The following PCDH7 variants were observed in gnomAD, a reference collection of about 807,000 sequenced individuals.
PCDH7 encodes the protein protocadherin-7.
In PCDH7, 17 loss-of-function variants were observed where a neutral mutation model predicts 58.9. The ratio of observed to expected loss-of-function variants is 0.29; its 90% CI spans 0.20 to 0.43. PCDH7 has a LOEUF of 0.43. Among genes scored for constraint, PCDH7 ranks in the 20% least tolerant of loss-of-function variants. The probability of loss-of-function intolerance (pLI) is 1.00; values close to 1 mark genes in which losing one functional copy is unlikely to be tolerated. For missense variants in PCDH7, 1,274 were observed against 1,441.0 expected (o/e 0.88, Z 1.88); for synonymous variants, 664 against 616.4 (o/e 1.08, Z -1.14).
intron 3 of PCDH7, among the ~76,000 whole-genome samples, chr4:31,032,656 G>GAGGA (rs200871221): frequency 0.026 from 2,374 of 92,194 alleles, 45 homozygotes; most frequent in South Asian, 0.048. Flanking sequence ...GAGAGAGAGA[G>GAGGA]AGGAAGGAAG....
intron 1 of PCDH7, among the ~76,000 whole-genome samples, chr4:30,833,161 A>G (rs1560416708): frequency 6.6e-6 from 1 of 152,178 alleles, no homozygotes; most frequent in Admixed American, 6.5e-5. Context: ...TAGACATTAT[A>G]GTAGCATCCT....
At position 30,721,259 on chromosome 4, in the gene PCDH7, C is replaced by A; in HGVS notation, c.-164C>A. ...GCTGCCCTCCCACCCCCATTCCCGG[C>A]CAACTCTCCACGCCGCTTTTGCCCC... is the stretch of plus-strand genomic sequence containing the variant. On this transcript the variant is annotated 5_prime_UTR_variant, in exon 1 of 2. Transcript: ENST00000361762. The surrounding 1 kb of genome is among the most constrained non-coding windows in gnomAD (Gnocchi z 6.7). 1.6e-6 allele frequency: 1 copy of A among 621,122 alleles called. No homozygotes were observed. Among genetic ancestry groups the A allele is most frequent in the Non-Finnish European group, 2.7e-6 (1 of 373,496 alleles). 38.5% of individuals were successfully genotyped at this position (621,122 alleles called of 1,614,324 possible). A position where few individuals can be genotyped will look rare whatever the true frequency, so the allele number is the denominator to read the frequency against.
At chr4:30,935,842 C>A (rs1170836352) in intron 2 of PCDH7, among the ~76,000 whole-genome samples, 4 of 152,078 alleles carry the variant, frequency 2.6e-5, no homozygotes, top group Admixed American at 1.3e-4. Flanking sequence ...ATGTAGAAAT[C>A]AACTTTTATG....
chr4:30,722,856 C>A lies in PCDH7; in HGVS notation c.1434C>A (p.Gly478=). 2 of 1,613,798 alleles carry A rather than the reference C, an allele frequency of 1.2e-6. No homozygotes were observed. Among genetic ancestry groups the A allele is most frequent in the Non-Finnish European group, 1.7e-6 (2 of 1,180,034 alleles). Residue 478 remains glycine, a synonymous_variant, in exon 1 of 2, where the codon GGC becomes GGA. Coordinates refer to ENST00000361762, the Ensembl canonical transcript of PCDH7. The surrounding 1 kb of genome is among the most constrained non-coding windows in gnomAD (Gnocchi z 7.6). ...TCAAGCCAGCCAGCGACACCGAGGG[C>A]GACCAGAACAAGAAAAAGTACTTCT...
intron 1 of PCDH7, among the ~76,000 whole-genome samples, chr4:30,895,912 A>G (rs1210376930): frequency 6.6e-6 from 1 of 152,240 alleles, no homozygotes; most frequent in Non-Finnish European, 1.5e-5. Context: ...GAACATATCA[A>G]TAATTCAGGA....
chr4:30,774,658 T>A (rs1312413917), intron 1 of PCDH7, among the ~76,000 whole-genome samples: 2 of 152,192 alleles, frequency 1.3e-5, no homozygotes, highest in Non-Finnish European at 2.9e-5. Context: ...AGTAATTAGA[T>A]ATTTATTAAG....
At chr4:30,806,945 G>C (rs951998993) in intron 1 of PCDH7, among the ~76,000 whole-genome samples, 2 of 151,726 alleles carry the variant, frequency 1.3e-5, no homozygotes. Flanking sequence ...TTTTATTTTT[G>C]TGTATACTTT....
At chr4:30,859,759 G>A (rs1314286263) in intron 1 of PCDH7, among the ~76,000 whole-genome samples, 1 of 152,050 alleles carries the variant, frequency 6.6e-6, no homozygotes, top group Non-Finnish European at 1.5e-5. Flanking sequence ...TCTTTAGAAG[G>A]CAAAATTGTC....
intron 3 of PCDH7, among the ~76,000 whole-genome samples, chr4:30,950,412 G>A (rs1295487067): frequency 6.6e-6 from 1 of 152,116 alleles, no homozygotes; most frequent in Non-Finnish European, 1.5e-5. Context: ...TTTTCTCAAT[G>A]TATAGAGTTT....
At chr4:30,783,454 T>A (rs2109291405) in intron 1 of PCDH7, among the ~76,000 whole-genome samples, 1 of 152,350 alleles carries the variant, frequency 6.6e-6, no homozygotes, top group South Asian at 2.1e-4. Flanking sequence ...ATTTTACGTA[T>A]TGCCAATTAT....
chr4:31,119,690 C>T (rs1717417336), intron 3 of PCDH7, among the ~76,000 whole-genome samples: 1 of 152,198 alleles, frequency 6.6e-6, no homozygotes, highest in South Asian at 2.1e-4. Context: ...GTGTCCTTTA[C>T]CCCTGGATTC....
At chr4:30,775,865 G>T (rs1721992166) in intron 1 of PCDH7, among the ~76,000 whole-genome samples, 1 of 152,034 alleles carries the variant, frequency 6.6e-6, no homozygotes, top group African/African-American at 2.4e-5. Context: ...CCACTGCACT[G>T]CAGCCTGGGT....
chr4:31,100,249 T>C (rs1420948935), intron 3 of PCDH7, among the ~76,000 whole-genome samples: 1 of 152,120 alleles, frequency 6.6e-6, no homozygotes, highest in African/African-American at 2.4e-5. Flanking sequence ...AAGAGCAGTT[T>C]AATGGAGATA....
chr4:30,908,392 G>C lies in PCDH7; in HGVS notation c.71-11761G>C, dbSNP rs533560882. Among the ~76,000 whole-genome samples, 33 of 152,220 alleles carry C rather than the reference G, an allele frequency of 2.2e-4. No individual in the cohort carries two copies. In the South Asian group the frequency reaches 6.8e-3, roughly 32 times the overall value. ...GCTAAGGTGATATAGATTAATTAGA[G>C]AATGTACAGAGATAAGAAATTAGGA... On this transcript the variant is annotated intron_variant, in intron 1 of 3. Coordinates refer to the PCDH7 transcript ENST00000509759.
At chr4:31,120,103 G>A (rs978666514) in intron 3 of PCDH7, among the ~76,000 whole-genome samples, 2 of 151,996 alleles carry the variant, frequency 1.3e-5, no homozygotes, top group Admixed American at 6.6e-5. Flanking sequence ...TGCCCTGTTC[G>A]TGTCTGACTA....
At chr4:30,924,246 T>C (rs1317587249) in intron 2 of PCDH7, among the ~76,000 whole-genome samples, 1 of 152,170 alleles carries the variant, frequency 6.6e-6, no homozygotes, top group Non-Finnish European at 1.5e-5. Flanking sequence ...TTTAATAAGC[T>C]CAGATATAGA....
chr4:31,039,624 C>T (rs28526007), intron 3 of PCDH7, among the ~76,000 whole-genome samples: 4,023 of 152,258 alleles, frequency 0.026, 180 homozygotes, highest in African/African-American at 0.091. Flanking sequence ...CCAATAGCCA[C>T]TGCTGACTAA....
intron 1 of PCDH7, among the ~76,000 whole-genome samples, chr4:30,833,710 T>C (rs1730103161): frequency 6.6e-6 from 1 of 152,134 alleles, no homozygotes; most frequent in African/African-American, 2.4e-5. Context: ...AAATTAACAA[T>C]ACAAGGAAAG....
At chr4:30,781,844 CT>C (rs1722843909) in intron 1 of PCDH7, among the ~76,000 whole-genome samples, 1 of 152,056 alleles carries the variant, frequency 6.6e-6, no homozygotes, top group Non-Finnish European at 1.5e-5. Context: ...CCTCTATCTC[CT>C]TTTCTTATGT....
Sources: allele counts gnomAD v4.1 joint callset (sites outside exome capture counted in the v4.1 genomes callset), GRCh38; gene constraint gnomAD v4.1.1; non-coding constraint Gnocchi (gnomAD v3.1); transcripts MANE v1.5; gene names NCBI Gene and HGNC (gene_info 2026-07-23, HGNC 2026-07-21).